The following C4BPA variants were observed in gnomAD, a reference collection of about 807,000 sequenced individuals.
C4BPA encodes C4b-binding protein alpha chain.
Under a neutral mutation model 63.7 loss-of-function variants are expected in C4BPA, and 31 were observed. The observed-to-expected ratio is 0.49, with a 90% CI of 0.37 to 0.66. The LOEUF (loss-of-function observed/expected upper bound fraction) is 0.66, where lower values mean the gene tolerates loss of function less well. C4BPA is among the 30% of genes least tolerant of loss of function. The pLI, the probability that C4BPA is intolerant of heterozygous loss-of-function variation, is 0.00. For missense variants in C4BPA, 572 were observed against 723.3 expected, an observed-to-expected ratio of 0.79 and a Z score of 2.40; for synonymous variants, 259 against 254.7, an observed-to-expected ratio of 1.02 and a Z score of -0.16.
chr1:207,114,684 G>C, intron 3 of C4BPA: 1 of 217,832 alleles, frequency 4.6e-6, no homozygotes, highest in Non-Finnish European at 9.0e-6. Flanking sequence ...AGTAGATACA[G>C]GGTTTCACCA....
intron 4 of C4BPA, 38 bp from the exon 5 acceptor site, chr1:207,123,884 G>GAGGA (rs773287684): frequency 1.7e-6 from 2 of 1,171,578 alleles, no homozygotes; most frequent in South Asian, 2.5e-5. Context: ...TTTAGGGTAG[G>GAGGA]AGGAATTCCA....
In C4BPA at chr1:207,114,301, TA is replaced by T. The variant is rs1304486953; in HGVS notation, c.328+17del. 1 of 1,570,886 alleles carries T rather than the reference TA, an allele frequency of 6.4e-7. No individual in the cohort carries two copies. The highest frequency in any genetic ancestry group is 8.6e-7 in the Non-Finnish European group (1 of 1,158,070). ...TTCTGTATCTGTAAGTATCAACATTTATTTTTTTCCTTTGCTTTTCCTATCT... is the reference window on the plus strand; with the variant it reads ...TTCTGTATCTGTAAGTATCAACATTTTTTTTTTCCTTTGCTTTTCCTATCT... On this transcript the variant is annotated intron_variant, in intron 3 of 11. Transcript: ENST00000367070.
intron 9 of C4BPA, among the ~76,000 whole-genome samples, chr1:207,139,894 G>A (rs1685376484): frequency 6.6e-6 from 1 of 152,182 alleles, no homozygotes; most frequent in African/African-American, 2.4e-5. Context: ...TTGGGCAAAG[G>A]ATTGTGACTT....
rs760726989 is a variant in C4BPA at position 207,134,463 on chromosome 1, C to T, written c.1144C>T (p.Arg382Cys). Reference protein sequence around the residue: ...NGEITQHRKSRPANHCVYFYG... With the variant: ...NGEITQHRKSCPANHCVYFYG... ...TGAAATCACTCAACACAGGAAAAGT[C>T]GTCCTGCCAATCACTGTGTTTATTT... Residue 382 changes from arginine to cysteine, a missense_variant, in exon 9 of 12, where the codon CGT (arginine) becomes TGT (cysteine). By Grantham distance (180) the Arg-to-Cys change is radical. Coordinates refer to ENST00000367070, the MANE Select transcript of C4BPA (RefSeq NM_000715.4). The T allele has an allele frequency of 1.2e-6, 2 of 1,613,610 alleles. No individual in the cohort carries two copies. Among genetic ancestry groups the T allele is most frequent in the Admixed American group, 1.7e-5 (1 of 60,002 alleles).
chr1:207,139,057 A>G (rs553007987), intron 9 of C4BPA, among the ~76,000 whole-genome samples: 3 of 152,258 alleles, frequency 2.0e-5, no homozygotes, highest in African/African-American at 7.2e-5. Context: ...AGACTCTATT[A>G]TGACATGGGC....
At chr1:207,105,876 G>A (rs546914566) in intron 1 of C4BPA, among the ~76,000 whole-genome samples, 5 of 152,276 alleles carry the variant, frequency 3.3e-5, no homozygotes, top group South Asian at 4.1e-4. Flanking sequence ...CAAGGGACCC[G>A]CCATGCTGAC....
intron 7 of C4BPA, among the ~76,000 whole-genome samples, chr1:207,131,199 C>G (rs929633297): frequency 6.6e-6 from 1 of 152,180 alleles, no homozygotes; most frequent in Non-Finnish European, 1.5e-5. Flanking sequence ...CCCAATCAAT[C>G]AGTAAACATA....
chr1:207,140,130 A>C (rs1685382394), intron 9 of C4BPA, among the ~76,000 whole-genome samples: 4 of 152,144 alleles, frequency 2.6e-5, no homozygotes, highest in Admixed American at 2.6e-4. Context: ...CAGCTTTCTG[A>C]CTGCTATGGC....
intron 1 of C4BPA, among the ~76,000 whole-genome samples, chr1:207,105,574 GAAAAAAA>G (rs61350433): frequency 1.5e-5 from 2 of 130,190 alleles, no homozygotes; most frequent in Non-Finnish European, 3.3e-5. Flanking sequence ...AAAAAAAAAA[GAAAAAAA>G]AAAGAGATTC....
At chr1:207,136,722 A>G (rs1685287301) in intron 9 of C4BPA, among the ~76,000 whole-genome samples, 1 of 152,174 alleles carries the variant, frequency 6.6e-6, no homozygotes, top group African/African-American at 2.4e-5. Flanking sequence ...CTGAATTGGT[A>G]TGTTGAATAT....
In C4BPA at chr1:207,141,154, G is replaced by T; in HGVS notation, c.1322G>T (p.Ser441Ile). 1 of 1,613,550 alleles carries T rather than the reference G, an allele frequency of 6.2e-7. No individual in the cohort carries two copies. Among genetic ancestry groups the T allele is most frequent in the Non-Finnish European group, 8.5e-7 (1 of 1,179,700 alleles). Reference sequence around the variant, plus strand: ...GCCCATGGGCATTATAAACAATCTAGTTCATACAGCTTTTTCAAAGAAGAG... The same window carrying T: ...GCCCATGGGCATTATAAACAATCTATTTCATACAGCTTTTTCAAAGAAGAG... The part of the protein sequence containing the change: ...KIAHGHYKQS[S>I]SYSFFKEEII... The change falls in exon 10 of 12, where the codon AGT (serine) becomes ATT (isoleucine). Residue 441 changes from serine to isoleucine, a missense_variant. Ser to Ile is a moderately radical substitution (Grantham distance 142, BLOSUM62 -2). This residue lies in a region of C4BPA where 465 missense variants were observed against 629.4 expected (regional missense o/e 0.74). Coordinates refer to ENST00000367070, the MANE Select transcript of C4BPA (RefSeq NM_000715.4).
intron 10 of C4BPA, among the ~76,000 whole-genome samples, chr1:207,141,885 G>A (rs907597051): frequency 1.3e-5 from 2 of 152,000 alleles, no homozygotes; most frequent in African/African-American, 2.4e-5. Context: ...TGCCATCATT[G>A]TTTCTTTTGT....
chr1:207,138,235 C>A (rs1572798258), intron 9 of C4BPA, among the ~76,000 whole-genome samples: 2 of 152,178 alleles, frequency 1.3e-5, no homozygotes, highest in Admixed American at 1.3e-4. Flanking sequence ...AGTGGCTGGG[C>A]ACAGGTAGGA....
chr1:207,137,781 C>A (rs1685319911), intron 9 of C4BPA, among the ~76,000 whole-genome samples: 1 of 152,098 alleles, frequency 6.6e-6, no homozygotes, highest in African/African-American at 2.4e-5. Context: ...CTGGGCCCAG[C>A]TAATTTTTGT....
rs1467955615 is a variant in C4BPA at position 207,113,196 on chromosome 1, G to A, written c.142+29G>A. ...AGTAGTGGGAAACAAGCTCAAATCA[G>A]CAACAAACAATGAAGATCATCTGTG... is the stretch of plus-strand genomic sequence containing the variant. On this transcript the variant is annotated intron_variant, in intron 2 of 11. Coordinates refer to ENST00000367070, the MANE Select transcript of C4BPA (RefSeq NM_000715.4). 10 of 1,597,536 alleles carry A rather than the reference G, an allele frequency of 6.3e-6. No individual in the cohort carries two copies. The South Asian group carries it at 1.1e-4, about 18-fold the overall frequency.
intron 7 of C4BPA, 81 bp from the exon 8 acceptor site, chr1:207,131,465 T>A (rs1312300114): frequency 9.3e-6 from 9 of 963,930 alleles, no homozygotes; most frequent in Non-Finnish European, 1.3e-5. Flanking sequence ...TGACCCCCTT[T>A]GATAGGACAG....
chr1:207,136,186 C>T (rs1558096543), intron 9 of C4BPA, among the ~76,000 whole-genome samples: 1 of 152,160 alleles, frequency 6.6e-6, no homozygotes, highest in Non-Finnish European at 1.5e-5. Flanking sequence ...CAACAGTGAG[C>T]CTTGGTGAGT....
In C4BPA at chr1:207,131,572, C is replaced by T. The variant is rs762343207; in HGVS notation, c.916C>T (p.Pro306Ser). Residue 306 changes from proline (P) to serine (S), a missense_variant, in exon 8 of 12, where the codon CCA becomes TCA. By Grantham distance (74) the Pro-to-Ser change is moderately conservative (BLOSUM62 -1). This residue lies in a region of C4BPA where 465 missense variants were observed against 629.4 expected (regional missense o/e 0.74). Coordinates refer to ENST00000367070, the MANE Select transcript of C4BPA (RefSeq NM_000715.4). Reference sequence around the variant, plus strand: ...TAGTTGTATTAATTTACCAGACATTCCACATGCTTCCTGGGAAACATATCC... The same window carrying T: ...TAGTTGTATTAATTTACCAGACATTTCACATGCTTCCTGGGAAACATATCC... The part of the protein sequence containing the change: ...PNSCINLPDI[P>S]HASWETYPRP... 3 of 1,611,486 alleles carry T rather than the reference C, an allele frequency of 1.9e-6. No homozygotes were observed. The Admixed American group carries it at 5.0e-5, about 27-fold the overall frequency.
chr1:207,115,102 C>A (rs370989332), intron 3 of C4BPA, among the ~76,000 whole-genome samples: 1 of 152,148 alleles, frequency 6.6e-6, no homozygotes, highest in African/African-American at 2.4e-5. Context: ...GGCCTAGGTT[C>A]TAAGTACATG....
Sources: allele counts gnomAD v4.1 joint callset (sites outside exome capture counted in the v4.1 genomes callset), GRCh38; gene constraint gnomAD v4.1.1; regional missense constraint gnomAD v4.1.1; transcripts MANE v1.5; gene names NCBI Gene and HGNC (gene_info 2026-07-23, HGNC 2026-07-21).